Variants in IARS2 observed in about 807,000 individuals in gnomAD.
IARS2 encodes the protein isoleucine--tRNA ligase, mitochondrial.
Under a neutral mutation model 126.3 loss-of-function variants are expected in IARS2, and 56 were observed. The observed-to-expected ratio is 0.44, with a 90% CI of 0.36 to 0.55. IARS2 has a LOEUF of 0.55. Among genes scored for constraint, IARS2 ranks in the 20% least tolerant of loss-of-function variants. IARS2 has a pLI of 0.00. For synonymous variants in IARS2, 407 were observed against 441.1 expected (o/e 0.92, Z 0.97); for missense variants, 1,127 against 1,245.9 (o/e 0.90, Z 1.44).
chr1:220,107,865 C>T (rs1313136062), intron 10 of IARS2, among the ~76,000 whole-genome samples: 3 of 152,140 alleles, frequency 2.0e-5, no homozygotes, highest in Admixed American at 2.0e-4. Flanking sequence ...CTGCGTTACT[C>T]CACTCTCTGC....
chr1:220,127,698 T>C (rs1015694480), intron 14 of IARS2, among the ~76,000 whole-genome samples: 1 of 152,198 alleles, frequency 6.6e-6, no homozygotes, highest in Non-Finnish European at 1.5e-5. Flanking sequence ...GTAGCTTGTC[T>C]ATGAATCACA....
At position 220,107,143 on chromosome 1, in the gene IARS2, C is replaced by G; in HGVS notation, c.1319C>G (p.Thr440Ser). 1 of 1,609,310 alleles carries G rather than the reference C, an allele frequency of 6.2e-7. No individual in the cohort carries two copies. The highest frequency in any genetic ancestry group is 8.5e-7 in the Non-Finnish European group (1 of 1,175,656). ...AACAAGGCTGTCCTTGAAGAGGGAA[C>G]TGATGTGGGTGAGCATCATATCTGT... is the stretch of plus-strand genomic sequence containing the variant. ...LQNKAVLEEG[T>S]DVVIKMLQTA... The change falls in exon 10 of 23, where the codon ACT (threonine) becomes AGT (serine). Residue 440 changes from threonine to serine, a missense_variant. Coordinates refer to ENST00000366922, the MANE Select transcript of IARS2 (RefSeq NM_018060.4).
intron 12 of IARS2, among the ~76,000 whole-genome samples, chr1:220,117,184 CTTTT>C (rs1192537887): frequency 4.1e-5 from 2 of 48,460 alleles, no homozygotes; most frequent in African/African-American, 8.5e-5. Context: ...GTCTCCTCTT[CTTTT>C]TTTTTTTTTT....
In IARS2 at chr1:220,147,505, G is replaced by A. The variant is rs1265051146; in HGVS notation, c.2909G>A (p.Arg970His). Residue 970 changes from arginine (R) to histidine (H), a missense_variant, in exon 23 of 23, where the codon CGT becomes CAT. By Grantham distance (29) the Arg-to-His change is conservative. Coordinates refer to ENST00000366922, the MANE Select transcript of IARS2 (RefSeq NM_018060.4). ...FLINLEGGDI[R>H]EESSYKVIVM... ...TATTTTTTTATAGGTGGTGATATTC[G>A]TGAAGAGTCTTCCTATAAAGTAATT... 14 of 1,613,880 alleles carry A rather than the reference G, an allele frequency of 8.7e-6. No individual in the cohort carries two copies. In the African/African-American group the frequency reaches 9.3e-5, roughly 11 times the overall value.
rs148149998 is a variant in IARS2, at chr1:220,102,148, A to C, written c.570A>C (p.Ala190=). ...IRKKARSFAK[A]AIEKQKSAFI... is the part of the protein sequence containing the mutation. ...TTTTAGCTAGATCATTTGCTAAAGCAGCCATTGAGAAACAGAAATCAGCAT... is the reference window on the plus strand; with the variant it reads ...TTTTAGCTAGATCATTTGCTAAAGCCGCCATTGAGAAACAGAAATCAGCAT... The change falls in exon 4 of 23, where the codon GCA becomes GCC. Residue 190 remains alanine, a synonymous_variant. Coordinates refer to ENST00000366922, the MANE Select transcript of IARS2 (RefSeq NM_018060.4). 1.3e-4 allele frequency: 205 copies of C among 1,602,268 alleles called. No individual in the cohort carries two copies. The African/African-American group carries it at 2.7e-3, about 21-fold the overall frequency.
rs780501856 is a variant in IARS2, at chr1:220,134,508, T to C, written c.1944T>C (p.Tyr648=). The C allele has an allele frequency of 6.2e-7, 1 of 1,605,886 alleles. No individual in the cohort carries two copies. The highest frequency in any genetic ancestry group is 2.2e-5 in the East Asian group (1 of 44,760). ...TSVAARKRAP[Y]KTVIVHGFTL... is the part of the protein sequence containing the mutation. ...TGGCAGCAAGGAAGAGAGCACCTTA[T>C]AAGTAAGTATTTATGCCTGAACCAA... The change falls in exon 15 of 23, where the codon TAT becomes TAC. Residue 648 remains tyrosine (Y), a splice_region_variant and synonymous_variant. Coordinates refer to ENST00000366922, the MANE Select transcript of IARS2 (RefSeq NM_018060.4).
intron 10 of IARS2, among the ~76,000 whole-genome samples, chr1:220,109,659 A>G (rs1656757279): frequency 6.6e-6 from 1 of 152,210 alleles, no homozygotes; most frequent in Admixed American, 6.5e-5. Flanking sequence ...TGGCAAAAAC[A>G]TAATCTTCTT....
intron 8 of IARS2, among the ~76,000 whole-genome samples, chr1:220,104,983 T>G (rs1656650236): frequency 6.6e-6 from 1 of 152,144 alleles, no homozygotes; most frequent in South Asian, 2.1e-4. Flanking sequence ...TACAAGCCAA[T>G]GAGAAGTTTA....
intron 12 of IARS2, among the ~76,000 whole-genome samples, chr1:220,123,719 C>T (rs892819301): frequency 2.6e-5 from 4 of 152,096 alleles, no homozygotes; most frequent in Admixed American, 6.5e-5. Context: ...GCTCGTGATC[C>T]GCCCGCCTCA....
intron 4 of IARS2, 25 bp from the exon 5 acceptor site, chr1:220,102,338 A>G: frequency 6.2e-7 from 1 of 1,611,408 alleles, no homozygotes; most frequent in Non-Finnish European, 8.5e-7. Flanking sequence ...TTCTACTTTT[A>G]ACATCATATT....
At chr1:220,096,346 A>G (rs1656440624) in intron 2 of IARS2, 120 bp downstream of exon 2, 1 of 714,642 alleles carries the variant, frequency 1.4e-6, no homozygotes, top group Non-Finnish European at 2.1e-6. Flanking sequence ...AAACTAAAAC[A>G]TTTTCATAGA....
chr1:220,105,905 A>G lies in IARS2; in HGVS notation c.1081A>G (p.Asn361Asp). 1.9e-6 allele frequency: 3 copies of G among 1,611,620 alleles called. No homozygotes were observed. Among genetic ancestry groups the G allele is most frequent in the Non-Finnish European group, 2.5e-6 (3 of 1,178,994 alleles). Residue 361 changes from asparagine (N) to aspartate (D), a missense_variant, in exon 9 of 23, where the codon AAT becomes GAT. Asn to Asp is a conservative substitution (Grantham distance 23). Coordinates refer to ENST00000366922, the MANE Select transcript of IARS2 (RefSeq NM_018060.4). ...TTTCCCCACAGGTGTAGATTTGGAAAATGGTACTTGCAGTCATCCATTAAT... is the reference window on the plus strand; with the variant it reads ...TTTCCCCACAGGTGTAGATTTGGAAGATGGTACTTGCAGTCATCCATTAAT... Reference protein sequence around the residue: ...ISTLSGVDLENGTCSHPLIPD... With the variant: ...ISTLSGVDLEDGTCSHPLIPD...
chr1:220,135,423 C>T (rs1657351937), intron 15 of IARS2, among the ~76,000 whole-genome samples: 2 of 151,640 alleles, frequency 1.3e-5, no homozygotes, highest in Non-Finnish European at 2.9e-5. Context: ...TGCAGTGGTG[C>T]GATCTTGGCT....
At chr1:220,130,762 T>G (rs567063461) in intron 14 of IARS2, among the ~76,000 whole-genome samples, 4 of 152,156 alleles carry the variant, frequency 2.6e-5, no homozygotes, top group Non-Finnish European at 5.9e-5. Flanking sequence ...TTTCACCATG[T>G]TAGCCAGGAT....
chr1:220,096,517 G>C (rs1656446608), intron 2 of IARS2, among the ~76,000 whole-genome samples: 1 of 152,212 alleles, frequency 6.6e-6, no homozygotes. Context: ...GGTATGTCTT[G>C]GCCGGGCAGT....
At chr1:220,101,907 A>G (rs1571844783) in intron 3 of IARS2, among the ~76,000 whole-genome samples, 1 of 152,282 alleles carries the variant, frequency 6.6e-6, no homozygotes, top group African/African-American at 2.4e-5. Flanking sequence ...AGGCTGAGGC[A>G]GGAGAATGGC....
intron 10 of IARS2, among the ~76,000 whole-genome samples, chr1:220,108,034 GAT>G (rs1429307902): frequency 1.3e-4 from 20 of 152,098 alleles, no homozygotes; most frequent in African/African-American, 4.8e-4. Context: ...GAGCAGATGG[GAT>G]TACAGGCATA....
In IARS2 at chr1:220,110,782, A is replaced by T. The variant is rs554865203; in HGVS notation, c.1328-4A>T. On this transcript the variant is annotated splice_region_variant and splice_polypyrimidine_tract_variant and intron_variant, in intron 10 of 22. Coordinates refer to ENST00000366922, the MANE Select transcript of IARS2 (RefSeq NM_018060.4). Reference sequence around the variant, plus strand: ...TGTCTAATTTGGTGTTTTTTTTTTTAAAGTTATAAAGATGCTTCAGACTGC... The same window carrying T: ...TGTCTAATTTGGTGTTTTTTTTTTTTAAGTTATAAAGATGCTTCAGACTGC... 494 of 1,455,134 alleles carry T rather than the reference A, an allele frequency of 3.4e-4. No individual in the cohort carries two copies. Among genetic ancestry groups the T allele is most frequent in the Middle Eastern group, 5.4e-4 (3 of 5,524 alleles). 90.1% of individuals were successfully genotyped at this position (1,455,134 alleles called of 1,614,324 possible).
At position 220,112,162 on chromosome 1, in the gene IARS2, C is replaced by T. The variant is rs995540063; in HGVS notation, c.1479+1225C>T. ...TTTTTTTTTGAGACGGAGTCTCGCT[C>T]TGTCGCCCAGGTCGGACTGCGGACT... On this transcript the variant is annotated intron_variant, in intron 11 of 22. Coordinates refer to ENST00000366922, the MANE Select transcript of IARS2 (RefSeq NM_018060.4). 1.5e-4 allele frequency among the ~76,000 whole-genome samples: 8 copies of T among 53,988 alleles called. 2 individuals are homozygous for T. The highest frequency in any genetic ancestry group is 7.0e-4 in the African/African-American group (8 of 11,480). 35.4% of individuals were successfully genotyped at this position (53,988 alleles called of 152,430 possible).
Sources: gnomAD v4.1 joint callset for allele counts (sites outside exome capture counted in the v4.1 genomes callset) on GRCh38, gnomAD v4.1.1 for gene constraint, MANE v1.5 for transcripts, NCBI Gene and HGNC (gene_info 2026-07-23, HGNC 2026-07-21) for gene names.